The following NRXN1 variants were observed in gnomAD, a reference collection of about 807,000 sequenced individuals.
The protein encoded by NRXN1 is neurexin-1.
A neutral mutation model predicts 150.9 loss-of-function variants in NRXN1; 39 were observed. The ratio of observed to expected loss-of-function variants is 0.26; its 90% CI spans 0.20 to 0.34. NRXN1 has a LOEUF of 0.34. Among genes scored for constraint, NRXN1 ranks in the 10% least tolerant of loss-of-function variants. NRXN1 has a pLI of 1.00. For missense variants in NRXN1, 1,815 were observed against 1,949.9 expected (o/e 0.93, Z 1.30); for synonymous variants, 924 against 757.0 (o/e 1.22, Z -3.62).
chr2:50,108,887 C>T (rs1222014387), intron 18 of NRXN1, among the ~76,000 whole-genome samples: 2 of 152,094 alleles, frequency 1.3e-5, no homozygotes, highest in East Asian at 1.9e-4. Context: ...CAAAAACACA[C>T]TACTTGCTGT....
At chr2:50,866,647 C>T (rs1676979737) in intron 5 of NRXN1, among the ~76,000 whole-genome samples, 1 of 151,854 alleles carries the variant, frequency 6.6e-6, no homozygotes, top group Admixed American at 6.6e-5. Flanking sequence ...AAGTACAATG[C>T]CAGTGCTGGT....
At chr2:49,955,826 G>A (rs1157804641) in intron 21 of NRXN1, among the ~76,000 whole-genome samples, 1 of 152,070 alleles carries the variant, frequency 6.6e-6, no homozygotes, top group East Asian at 1.9e-4. Flanking sequence ...AAGAAATAGT[G>A]TAAGACAGAA....
In NRXN1 at chr2:49,919,330, T is replaced by G. The variant is rs574443704; in HGVS notation, c.*2614A>C. 4.6e-5 allele frequency: 7 copies of G among 152,220 alleles called. 1 individual carries two copies. The East Asian group carries it at 1.3e-3, about 29-fold the overall frequency. The allele number at this position is 152,220 out of a possible 1,614,324, so 9.4% of individuals were successfully genotyped here. A position where few individuals can be genotyped will look rare whatever the true frequency, so the allele number is the denominator to read the frequency against. On this transcript the variant is annotated 3_prime_UTR_variant, in exon 23 of 23. Transcript: ENST00000401669. ...AAAAAATAATTTTTGCTAGAGTTTG[T>G]GTAAGCCAATAATATTAGAAATAAT...
At chr2:50,610,772 G>GTA (rs1347458833) in intron 8 of NRXN1, among the ~76,000 whole-genome samples, 2,444 of 131,412 alleles carry the variant, frequency 0.019, 79 homozygotes, top group African/African-American at 0.067. Context: ...ATATATATAT[G>GTA]TATATATATA....
intron 5 of NRXN1, among the ~76,000 whole-genome samples, chr2:50,653,002 G>C (rs904431323): frequency 1.3e-5 from 2 of 151,886 alleles, no homozygotes; most frequent in African/African-American, 4.8e-5. Context: ...CCTCGTTTTA[G>C]TATTCCTTGA....
At chr2:50,968,318 T>C (rs1345615067) in intron 2 of NRXN1, among the ~76,000 whole-genome samples, 1 of 152,160 alleles carries the variant, frequency 6.6e-6, no homozygotes. Context: ...TGTATATTTG[T>C]ATTCATCTTT....
chr2:50,076,890 C>T (rs75027909), intron 19 of NRXN1, among the ~76,000 whole-genome samples: 2,542 of 152,280 alleles, frequency 0.017, 73 homozygotes, highest in African/African-American at 0.058. Flanking sequence ...ACAACCTTAG[C>T]ACAACAAAGG....
chr2:50,247,741 G>C (rs575800434), intron 17 of NRXN1, among the ~76,000 whole-genome samples: 47 of 152,200 alleles, frequency 3.1e-4, no homozygotes, highest in Middle Eastern at 3.4e-3. Flanking sequence ...TGAAATGCAA[G>C]ATCCTGGCTT....
chr2:50,982,914 T>C (rs1697064083), intron 2 of NRXN1, among the ~76,000 whole-genome samples: 1 of 152,062 alleles, frequency 6.6e-6, no homozygotes, highest in African/African-American at 2.4e-5. Context: ...TGAAGCTGCC[T>C]GAGAGTCATG....
At chr2:49,982,886 A>G (rs1309411047) in intron 21 of NRXN1, among the ~76,000 whole-genome samples, 1 of 152,126 alleles carries the variant, frequency 6.6e-6, no homozygotes, top group Non-Finnish European at 1.5e-5. Flanking sequence ...TCTTGAAACA[A>G]TCTGTTAAAC....
intron 9 of NRXN1, among the ~76,000 whole-genome samples, chr2:50,546,246 T>C (rs2093491671): frequency 6.6e-6 from 1 of 152,180 alleles, no homozygotes; most frequent in Non-Finnish European, 1.5e-5. Flanking sequence ...TTGACACCCT[T>C]ATCTCAGTTA....
At chr2:50,289,314 C>T (rs1238107093) in intron 17 of NRXN1, among the ~76,000 whole-genome samples, 3 of 152,162 alleles carry the variant, frequency 2.0e-5, no homozygotes, top group Admixed American at 2.0e-4. Flanking sequence ...AGGTGCCCTT[C>T]TCACAATGCA....
intron 5 of NRXN1, among the ~76,000 whole-genome samples, chr2:50,812,975 C>T (rs142257644): frequency 2.0e-5 from 3 of 152,014 alleles, no homozygotes; most frequent in African/African-American, 4.8e-5. Context: ...TAATTGCCTG[C>T]GCTCAGAAGC....
At chr2:50,940,039 A>T (rs1689166254) in intron 2 of NRXN1, among the ~76,000 whole-genome samples, 1 of 152,210 alleles carries the variant, frequency 6.6e-6, no homozygotes, top group Non-Finnish European at 1.5e-5. Flanking sequence ...CCTGACTTTA[A>T]ATAGAACAGA....
chr2:50,531,818 G>T (rs2093122792), intron 10 of NRXN1, among the ~76,000 whole-genome samples: 1 of 151,706 alleles, frequency 6.6e-6, no homozygotes. Context: ...CGAAGTTGTG[G>T]ATTTTTTTGT....
intron 8 of NRXN1, among the ~76,000 whole-genome samples, chr2:50,581,594 C>T (rs1391740707): frequency 6.6e-6 from 1 of 151,982 alleles, no homozygotes; most frequent in Non-Finnish European, 1.5e-5. Flanking sequence ...TTATTAGGTG[C>T]AAAGGGAACT....
At chr2:50,930,385 G>C (rs1687560269) in intron 2 of NRXN1, among the ~76,000 whole-genome samples, 2 of 148,822 alleles carry the variant, frequency 1.3e-5, no homozygotes, top group African/African-American at 4.9e-5. Context: ...AGAAAGAAGA[G>C]AAAAAGAGAA....
At chr2:50,424,830 A>G (rs2084349637) in intron 17 of NRXN1, among the ~76,000 whole-genome samples, 1 of 152,084 alleles carries the variant, frequency 6.6e-6, no homozygotes, top group Admixed American at 6.5e-5. Flanking sequence ...CCTTGTATAC[A>G]CTGGTTACTT....
chr2:50,472,799 G>C (rs2089636496), intron 15 of NRXN1, among the ~76,000 whole-genome samples: 1 of 99,558 alleles, frequency 1.0e-5, no homozygotes, highest in African/African-American at 3.3e-5. Context: ...ACAGCCTTGT[G>C]TGTGTGTGTG....
Sources: allele counts gnomAD v4.1 joint callset (sites outside exome capture counted in the v4.1 genomes callset), GRCh38; gene constraint gnomAD v4.1.1; transcripts MANE v1.5; gene names NCBI Gene and HGNC (gene_info 2026-07-23, HGNC 2026-07-21).